Variants in CDK6 observed in about 807,000 individuals in gnomAD.
CDK6 encodes the protein cyclin dependent kinase 6, also known as cyclin-dependent kinase 6.
Under a neutral mutation model 37.1 loss-of-function variants are expected in CDK6, and 6 were observed. The ratio of observed to expected loss-of-function variants is 0.16; its 90% CI spans 0.09 to 0.32. The LOEUF is 0.32. Among genes scored for constraint, CDK6 ranks in the 10% least tolerant of loss-of-function variants. The probability of loss-of-function intolerance (pLI) is 1.00; values close to 1 mark genes in which losing one functional copy is unlikely to be tolerated. For missense variants in CDK6, 224 were observed against 418.9 expected (o/e 0.53, Z 4.06); for synonymous variants, 160 against 161.3 (o/e 0.99, Z 0.06).
rs922452208 is a variant in CDK6 at position 92,609,811 on chromosome 7, AT to A, written c.*5328del. On this transcript the variant is annotated 3_prime_UTR_variant, in exon 8 of 8. Transcript: ENST00000424848. ...AGTAAGGTAACTGGGTACTTCAAAAATTTTTTCTTGACTGAATGAATGACTA... is the reference window on the plus strand; with the variant it reads ...AGTAAGGTAACTGGGTACTTCAAAAATTTTTCTTGACTGAATGAATGACTA... The A allele has an allele frequency of 4.3e-6, 1 of 230,302 alleles. No individual in the cohort carries two copies. Among genetic ancestry groups the A allele is most frequent in the African/African-American group, 2.2e-5 (1 of 45,202 alleles). The allele number at this position is 230,302 out of a possible 1,614,324, so 14.3% of individuals were successfully genotyped here.
intron 3 of CDK6, among the ~76,000 whole-genome samples, chr7:92,738,005 C>T (rs753007359): frequency 4.6e-5 from 7 of 152,176 alleles, no homozygotes; most frequent in Admixed American, 1.3e-4. Context: ...TAGAGTTGCA[C>T]GCACAGCTGC....
At chr7:92,666,350 A>T (rs1233856757) in intron 5 of CDK6, among the ~76,000 whole-genome samples, 1 of 152,224 alleles carries the variant, frequency 6.6e-6, no homozygotes, top group Non-Finnish European at 1.5e-5. Flanking sequence ...CCCCTCTAGA[A>T]GTGGGCCTGG....
chr7:92,718,631 A>G (rs1798292328), intron 4 of CDK6, among the ~76,000 whole-genome samples: 1 of 152,196 alleles, frequency 6.6e-6, no homozygotes, highest in African/African-American at 2.4e-5. Flanking sequence ...CATGACGCGC[A>G]CATTCACAGG....
chr7:92,729,549 G>T (rs1304965278), intron 3 of CDK6, among the ~76,000 whole-genome samples: 2 of 152,148 alleles, frequency 1.3e-5, no homozygotes, highest in Non-Finnish European at 2.9e-5. Context: ...AGAGATCTTA[G>T]GTGGGGCTTT....
At chr7:92,616,477 A>G (rs949219750) in intron 7 of CDK6, among the ~76,000 whole-genome samples, 8 of 152,210 alleles carry the variant, frequency 5.3e-5, no homozygotes, top group African/African-American at 1.9e-4. Context: ...TCTTCTGAAC[A>G]TCAAGAGCTA....
Position 92,803,819 on chromosome 7 carries a change from T to A in CDK6, c.234-28988A>T, listed in dbSNP as rs73406800. Among the ~76,000 whole-genome samples the A allele has an allele frequency of 4.5e-3, 686 of 152,256 alleles. 4 individuals carry two copies. The highest frequency in any genetic ancestry group is 0.015 in the African/African-American group (635 of 41,548). On this transcript the variant is annotated intron_variant, in intron 2 of 7. Transcript: ENST00000424848. ...GGGGGAAAAAATGGGCACCAGGAAATGTTTTAAAGGGAAAATCTATTAGAC... is the reference window on the plus strand; with the variant it reads ...GGGGGAAAAAATGGGCACCAGGAAAAGTTTTAAAGGGAAAATCTATTAGAC...
intron 4 of CDK6, among the ~76,000 whole-genome samples, chr7:92,692,806 A>C (rs73232034): frequency 2.6e-5 from 4 of 152,270 alleles, no homozygotes; most frequent in East Asian, 1.9e-4. Context: ...AAAACAAAAA[A>C]CAAAAACAAC....
intron 4 of CDK6, among the ~76,000 whole-genome samples, chr7:92,712,744 T>C (rs963714584): frequency 6.6e-6 from 1 of 152,240 alleles, no homozygotes; most frequent in African/African-American, 2.4e-5. Context: ...TTGTGCTACA[T>C]TTTTAACATC....
chr7:92,761,787 T>A (rs1303294779), intron 3 of CDK6, among the ~76,000 whole-genome samples: 1 of 152,160 alleles, frequency 6.6e-6, no homozygotes, highest in African/African-American at 2.4e-5. Context: ...AAAAAAGAAG[T>A]CCTTTCTCTT....
chr7:92,771,593 T>C (rs746799241), intron 3 of CDK6, among the ~76,000 whole-genome samples: 6 of 152,222 alleles, frequency 3.9e-5, no homozygotes, highest in African/African-American at 1.4e-4. Context: ...CACAGGCTTG[T>C]GTTTGCATTT....
intron 4 of CDK6, chr7:92,711,018 G>C (rs1022264236): frequency 2.7e-5 from 5 of 186,756 alleles, no homozygotes; most frequent in Non-Finnish European, 5.0e-5. Flanking sequence ...TTCAGTTAAG[G>C]AGTGCAGGAG....
chr7:92,760,365 G>GT (rs1187005770), intron 3 of CDK6, among the ~76,000 whole-genome samples: 2 of 152,128 alleles, frequency 1.3e-5, no homozygotes, highest in African/African-American at 4.8e-5. Flanking sequence ...TGTACTGAAT[G>GT]TTTTTAATGT....
intron 4 of CDK6, among the ~76,000 whole-genome samples, chr7:92,724,137 A>G (rs1412345628): frequency 6.6e-6 from 1 of 152,046 alleles, no homozygotes; most frequent in Non-Finnish European, 1.5e-5. Context: ...CCAAAACAAC[A>G]TGCGCAACAA....
chr7:92,634,356 A>C (rs1185387716), intron 5 of CDK6, among the ~76,000 whole-genome samples: 1 of 152,110 alleles, frequency 6.6e-6, no homozygotes, highest in Non-Finnish European at 1.5e-5. Context: ...TAGGGTTTCA[A>C]GTCTCATTCT....
At chr7:92,672,166 TACACAC>T (rs1434883987) in intron 4 of CDK6, among the ~76,000 whole-genome samples, 3 of 38,734 alleles carry the variant, frequency 7.7e-5, no homozygotes, top group South Asian at 9.2e-4. Context: ...TATATACACA[TACACAC>T]ACACACACAC....
intron 3 of CDK6, among the ~76,000 whole-genome samples, chr7:92,756,891 G>A (rs1799332298): frequency 6.6e-6 from 1 of 152,134 alleles, no homozygotes; most frequent in African/African-American, 2.4e-5. Context: ...TAACTTTGGT[G>A]GGGCTTTTCT....
intron 2 of CDK6, among the ~76,000 whole-genome samples, chr7:92,797,869 C>T (rs953634359): frequency 2.0e-5 from 3 of 152,148 alleles, no homozygotes; most frequent in Non-Finnish European, 4.4e-5. Flanking sequence ...CCTCACTCTC[C>T]ACGGAAAATC....
chr7:92,723,481 C>T (rs1230068795), intron 4 of CDK6, among the ~76,000 whole-genome samples: 2 of 151,974 alleles, frequency 1.3e-5, no homozygotes, highest in Non-Finnish European at 2.9e-5. Flanking sequence ...AAATACATAC[C>T]AGTTCAGTCT....
chr7:92,620,209 ATC>A (rs1585341505), intron 6 of CDK6, among the ~76,000 whole-genome samples: 3 of 152,250 alleles, frequency 2.0e-5, no homozygotes, highest in Non-Finnish European at 1.5e-5. Context: ...GGAACAGCAC[ATC>A]TCTGTTTGTA....
Sources: gnomAD v4.1 joint callset for allele counts (sites outside exome capture counted in the v4.1 genomes callset) on GRCh38, gnomAD v4.1.1 for gene constraint, MANE v1.5 for transcripts, NCBI Gene and HGNC (gene_info 2026-07-23, HGNC 2026-07-21) for gene names.